COPB1: variants seen among roughly 807,000 people sequenced by gnomAD.
COPB1 encodes coat protein complex I subunit beta 1, also known as coatomer subunit beta.
A neutral mutation model predicts 108.7 loss-of-function variants in COPB1; 21 were observed. The ratio of observed to expected loss-of-function variants is 0.19; its 90% CI spans 0.14 to 0.28. The LOEUF is 0.28. Among genes scored for constraint, COPB1 ranks in the 10% least tolerant of loss-of-function variants. The pLI, the probability that COPB1 is intolerant of heterozygous loss-of-function variation, is 1.00. For missense variants in COPB1, 919 were observed against 1,141.3 expected (o/e 0.81, Z 2.81); for synonymous variants, 378 against 386.8 (o/e 0.98, Z 0.27).
intron 19 of COPB1, among the ~76,000 whole-genome samples, 197 bp from the exon 20 acceptor site, chr11:14,460,494 GAGATTCAATATGAAGC>G (rs1033842092): frequency 6.6e-6 from 1 of 151,936 alleles, no homozygotes; most frequent in African/African-American, 2.4e-5. Flanking sequence ...TAACTTCACA[GAGATTCAATATGAAGC>G]ATATAGAATA....
intron 14 of COPB1, among the ~76,000 whole-genome samples, chr11:14,473,265 A>C (rs1416272870): frequency 2.6e-5 from 4 of 152,068 alleles, no homozygotes; most frequent in Non-Finnish European, 4.4e-5. Context: ...ACGCCTGCCA[A>C]ATGTTTCACT....
At chr11:14,462,528 G>A (rs574537079) in intron 18 of COPB1, among the ~76,000 whole-genome samples, 124 of 152,112 alleles carry the variant, frequency 8.2e-4, no homozygotes, top group African/African-American at 2.8e-3. Context: ...CACTGTGCCC[G>A]GCCTCTAGGC....
rs144905302 is a variant in COPB1, at chr11:14,463,687, C to T, written c.2410+1224G>A. Among the ~76,000 whole-genome samples the T allele has an allele frequency of 1.1e-3, 175 of 152,278 alleles. 1 individual carries two copies. The highest frequency in any genetic ancestry group is 4.0e-3 in the African/African-American group (167 of 41,568). On this transcript the variant is annotated intron_variant, in intron 18 of 21. Transcript: ENST00000439561. ...CAAACTGTCCTTGAATATCTTTAGG[C>T]ACTTTAATACCGAACCTGCTCAAGA...
intron 1 of COPB1, 84 bp from the exon 2 acceptor site, chr11:14,499,069 T>C: frequency 3.1e-6 from 2 of 651,218 alleles, no homozygotes; most frequent in Non-Finnish European, 5.1e-6. Context: ...TTTTAAAGTA[T>C]TAGAAAGGGC....
intron 18 of COPB1, among the ~76,000 whole-genome samples, chr11:14,463,386 C>G (rs570373281): frequency 6.6e-6 from 1 of 152,188 alleles, no homozygotes; most frequent in East Asian, 1.9e-4. Flanking sequence ...GGTGCGATCT[C>G]GGCTCACTGT....
intron 11 of COPB1, among the ~76,000 whole-genome samples, chr11:14,477,962 C>G (rs1237992366): frequency 6.7e-6 from 1 of 149,328 alleles, no homozygotes; most frequent in African/African-American, 2.5e-5. Context: ...CCTGAGATAG[C>G]GCCACTGCAC....
At chr11:14,470,899 T>TACACACACACACACACAC (rs56957263) in intron 14 of COPB1, among the ~76,000 whole-genome samples, 4 of 134,766 alleles carry the variant, frequency 3.0e-5, no homozygotes, top group African/African-American at 8.7e-5. Flanking sequence ...GTGGAAGAAA[T>TACACACACACACACACAC]ACACACACAC....
chr11:14,479,806 T>C, intron 10 of COPB1, 92 bp from the exon 11 acceptor site: 1 of 1,272,140 alleles, frequency 7.9e-7, no homozygotes, highest in Non-Finnish European at 1.1e-6. Context: ...AATGTAATTC[T>C]TTTTTTGTTT....
In COPB1 at chr11:14,462,478, C is replaced by T. The variant is rs180981616; in HGVS notation, c.2411-1147G>A. On this transcript the variant is annotated intron_variant, in intron 18 of 21. Transcript: ENST00000439561. ...TGAACTCCTGACCTCATGATCCACCCGCCTTGGCCTCCCAAAGTGCTGGGA... is the reference window on the plus strand; with the variant it reads ...TGAACTCCTGACCTCATGATCCACCTGCCTTGGCCTCCCAAAGTGCTGGGA... 1.8e-3 allele frequency among the ~76,000 whole-genome samples: 276 copies of T among 152,228 alleles called. 1 individual carries two copies. Among genetic ancestry groups the T allele is most frequent in the Middle Eastern group, 0.01 (3 of 294 alleles).
rs191560417 is a variant in COPB1, at chr11:14,468,078, T to A, written c.2145+603A>T. ...CTATAATTCAAAAAAACTAAAAAAATTTTATAAATGTAATATTATTGATAT... is the reference window on the plus strand; with the variant it reads ...CTATAATTCAAAAAAACTAAAAAAAATTTATAAATGTAATATTATTGATAT... On this transcript the variant is annotated intron_variant, in intron 16 of 21. Coordinates refer to ENST00000439561, the MANE Select transcript of COPB1 (RefSeq NM_001144061.2). 4.9e-4 allele frequency among the ~76,000 whole-genome samples: 75 copies of A among 152,274 alleles called. 1 individual carries two copies. The East Asian group carries it at 0.014, about 28-fold the overall frequency.
At chr11:14,482,936 C>T in intron 8 of COPB1, 96 bp downstream of exon 8, 1 of 1,167,046 alleles carries the variant, frequency 8.6e-7, no homozygotes, top group East Asian at 2.4e-5. Context: ...GCTCAGTTTC[C>T]AAGCATTTAG....
chr11:14,490,011 T>C (rs1415914360), intron 5 of COPB1, among the ~76,000 whole-genome samples: 1 of 152,178 alleles, frequency 6.6e-6, no homozygotes, highest in East Asian at 1.9e-4. Flanking sequence ...GCATATTATT[T>C]CCCATATTTT....
chr11:14,498,728 A>T, intron 2 of COPB1, 110 bp downstream of exon 2: 1 of 832,316 alleles, frequency 1.2e-6, no homozygotes, highest in Non-Finnish European at 1.8e-6. Context: ...TCCTAGAAAA[A>T]CTTTAGACAA....
intron 19 of COPB1, among the ~76,000 whole-genome samples, chr11:14,460,635 G>A (rs1215276037): frequency 6.6e-6 from 1 of 151,822 alleles, no homozygotes; most frequent in Non-Finnish European, 1.5e-5. Flanking sequence ...TCCCACCTCA[G>A]TCTCCGGAGT....
intron 7 of COPB1, among the ~76,000 whole-genome samples, chr11:14,485,607 G>A (rs1014307421): frequency 2.0e-5 from 3 of 152,206 alleles, no homozygotes; most frequent in Non-Finnish European, 2.9e-5. Flanking sequence ...AGCATTTTGG[G>A]AAGCCGAGGT....
At chr11:14,477,389 CAA>C (rs61014253) in intron 11 of COPB1, among the ~76,000 whole-genome samples, 13 of 73,280 alleles carry the variant, frequency 1.8e-4, no homozygotes, top group Non-Finnish European at 2.3e-4. Flanking sequence ...GACTCCGTCT[CAA>C]AAAAAAAAAA....
At chr11:14,493,559 C>T in intron 4 of COPB1, 83 bp downstream of exon 4, 3 of 1,187,184 alleles carry the variant, frequency 2.5e-6, no homozygotes, top group Non-Finnish European at 3.5e-6. Context: ...TATATTCAGT[C>T]TGCAAGCAAC....
Position 14,460,260 on chromosome 11 carries a change from T to G in COPB1, c.2594A>C (p.Tyr865Ser), listed in dbSNP as rs1424969913. Reference protein sequence around the residue: ...VNTNMVDLNDYLQHILKSTNM... With the variant: ...VNTNMVDLNDSLQHILKSTNM... ...GGTTGACTTTAATATGTGCTGTAAGTAGTCATTTAAATCAACCATGTTGGT... is the reference window on the plus strand; with the variant it reads ...GGTTGACTTTAATATGTGCTGTAAGGAGTCATTTAAATCAACCATGTTGGT... The change falls in exon 20 of 22, where the codon TAC becomes TCC. Residue 865 changes from tyrosine to serine, a missense_variant. Around this residue, in one of 5 missense-constraint regions of COPB1, gnomAD observed 705 missense variants for 817.8 expected, o/e 0.86. Transcript: ENST00000439561. 6.2e-7 allele frequency: 1 copy of G among 1,611,930 alleles called. No homozygotes were observed.
intron 5 of COPB1, among the ~76,000 whole-genome samples, chr11:14,489,650 A>T (rs1431466528): frequency 6.6e-6 from 1 of 152,208 alleles, no homozygotes; most frequent in Non-Finnish European, 1.5e-5. Context: ...GTATGATTCC[A>T]CTTATCCGGA....
Sources: allele counts gnomAD v4.1 joint callset (sites outside exome capture counted in the v4.1 genomes callset), GRCh38; gene constraint gnomAD v4.1.1; regional missense constraint gnomAD v4.1.1; transcripts MANE v1.5; gene names NCBI Gene and HGNC (gene_info 2026-07-23, HGNC 2026-07-21).